PCDH15: variants seen among roughly 807,000 people sequenced by gnomAD.
PCDH15 encodes the protein protocadherin-15.
PCDH15 carries 129 observed loss-of-function variants against 178.5 expected under a neutral mutation model. The ratio of observed to expected loss-of-function variants is 0.72; its 90% CI spans 0.63 to 0.84. PCDH15 has a LOEUF of 0.84. Ranked by LOEUF, PCDH15 falls within the 40% of genes least tolerant of loss-of-function variation. The pLI is 0.00. For synonymous variants in PCDH15, 800 were observed against 732.0 expected, an observed-to-expected ratio of 1.09 and a Z score of -1.50; for missense variants, 2,230 against 2,099.9, an observed-to-expected ratio of 1.06 and a Z score of -1.21.
chr10:55,015,359 C>T (rs536555382), intron 2 of PCDH15, among the ~76,000 whole-genome samples: 45 of 152,022 alleles, frequency 3.0e-4, no homozygotes, highest in Admixed American at 6.6e-4. Flanking sequence ...CCTCACTAAA[C>T]TCATTTACAT....
chr10:53,831,657 C>T (rs1331741967), intron 29 of PCDH15, 124 bp from the exon 30 acceptor site: 2 of 692,346 alleles, frequency 2.9e-6, no homozygotes, highest in Admixed American at 5.5e-5. Flanking sequence ...AGTCAGAAGT[C>T]TCATGAATAA....
chr10:54,983,810 T>G (rs1226841578), intron 2 of PCDH15, among the ~76,000 whole-genome samples: 1 of 152,082 alleles, frequency 6.6e-6, no homozygotes, highest in Admixed American at 6.6e-5. Flanking sequence ...CTACAAATGA[T>G]TAAAAAGTGA....
intron 2 of PCDH15, among the ~76,000 whole-genome samples, chr10:54,971,367 T>G (rs1838925905): frequency 6.6e-6 from 1 of 152,052 alleles, no homozygotes. Flanking sequence ...AACACAGCAT[T>G]TCTCCCTGCA....
chr10:54,973,947 G>C (rs891669711), intron 2 of PCDH15, among the ~76,000 whole-genome samples: 1 of 151,936 alleles, frequency 6.6e-6, no homozygotes, highest in Non-Finnish European at 1.5e-5. Context: ...TATACTACTT[G>C]TGCCTTTATT....
rs76786774 is a variant in PCDH15, at chr10:54,462,109, T to C, written c.157+65703A>G. On this transcript the variant is annotated intron_variant, in intron 3 of 37. Coordinates refer to ENST00000644397, the MANE Select transcript of PCDH15 (RefSeq NM_001384140.1). Reference sequence around the variant, plus strand: ...CTTTTATGTTACTCAGCTTTCAATTTCTCATACCATCTCAAAGAAAATGTA... The same window carrying C: ...CTTTTATGTTACTCAGCTTTCAATTCCTCATACCATCTCAAAGAAAATGTA... Among the ~76,000 whole-genome samples, 787 of 152,198 alleles carry C rather than the reference T, an allele frequency of 5.2e-3. 7 individuals are homozygous for C. The highest frequency in any genetic ancestry group is 0.018 in the African/African-American group (749 of 41,536).
At chr10:54,559,505 A>G (rs961993980) in intron 2 of PCDH15, among the ~76,000 whole-genome samples, 1 of 152,086 alleles carries the variant, frequency 6.6e-6, no homozygotes, top group Non-Finnish European at 1.5e-5. Flanking sequence ...GGCATTGAGT[A>G]TGCATTTGTG....
chr10:54,214,168 T>G (rs2051746426), intron 9 of PCDH15, 120 bp from the exon 10 acceptor site: 4 of 650,044 alleles, frequency 6.2e-6, no homozygotes, highest in South Asian at 6.1e-5. Context: ...TAAATTAAGT[T>G]TCACAATTAT....
chr10:55,077,010 G>A (rs147783326), intron 2 of PCDH15, among the ~76,000 whole-genome samples: 2,164 of 149,866 alleles, frequency 0.014, 55 homozygotes, highest in African/African-American at 0.05. Flanking sequence ...CTCGTGATCC[G>A]CCCGCCTCAG....
intron 3 of PCDH15, among the ~76,000 whole-genome samples, chr10:54,892,932 T>G (rs1426588839): frequency 1.3e-5 from 2 of 152,050 alleles, no homozygotes; most frequent in East Asian, 1.9e-4. Flanking sequence ...AATCACATAT[T>G]AAAAATTTCA....
At chr10:54,926,986 T>A (rs1277819499) in intron 2 of PCDH15, among the ~76,000 whole-genome samples, 1 of 151,958 alleles carries the variant, frequency 6.6e-6, no homozygotes. Flanking sequence ...TAATTTCTTG[T>A]CCTTAGCTTT....
At chr10:53,986,570 C>T (rs916982306) in intron 21 of PCDH15, among the ~76,000 whole-genome samples, 5 of 152,138 alleles carry the variant, frequency 3.3e-5, no homozygotes. Context: ...GATGTGGAAA[C>T]AGACTAAATG....
At chr10:54,571,182 G>T (rs1405281628) in intron 2 of PCDH15, among the ~76,000 whole-genome samples, 1 of 152,034 alleles carries the variant, frequency 6.6e-6, no homozygotes, top group African/African-American at 2.4e-5. Context: ...ATTTGAACGA[G>T]GAGAAACTAC....
intron 3 of PCDH15, among the ~76,000 whole-genome samples, chr10:54,458,140 T>C (rs1280200077): frequency 1.6e-4 from 24 of 152,206 alleles, no homozygotes. Context: ...TTGAAGATTC[T>C]GTTCTACTTT....
chr10:55,094,259 GA>G (rs1294676968), intron 2 of PCDH15, among the ~76,000 whole-genome samples: 1 of 151,996 alleles, frequency 6.6e-6, no homozygotes, highest in African/African-American at 2.4e-5. Context: ...GATGAAGCTG[GA>G]AACCATCATT....
At chr10:55,008,665 G>A (rs1839984503) in intron 2 of PCDH15, among the ~76,000 whole-genome samples, 1 of 152,006 alleles carries the variant, frequency 6.6e-6, no homozygotes, top group Non-Finnish European at 1.5e-5. Context: ...AATACCCCCA[G>A]CAACAAGTAA....
chr10:55,404,802 C>T (rs1399837395), intron 2 of PCDH15, among the ~76,000 whole-genome samples: 1 of 151,690 alleles, frequency 6.6e-6, no homozygotes, highest in Admixed American at 6.6e-5. Flanking sequence ...ATAAAAAATA[C>T]TATCAGACAT....
At chr10:55,286,078 A>G (rs1424847683) in intron 1 of PCDH15, among the ~76,000 whole-genome samples, 1 of 152,002 alleles carries the variant, frequency 6.6e-6, no homozygotes, top group Non-Finnish European at 1.5e-5. Flanking sequence ...TAAGATTCAC[A>G]TGACAATAAG....
chr10:55,501,241 C>T (rs1196071322), intron 2 of PCDH15, among the ~76,000 whole-genome samples: 2 of 151,696 alleles, frequency 1.3e-5, no homozygotes, highest in South Asian at 2.1e-4. Context: ...AGGGATCCAC[C>T]TCAAAGGCTT....
intron 3 of PCDH15, among the ~76,000 whole-genome samples, chr10:54,813,079 T>C (rs1241478383): frequency 6.6e-6 from 1 of 152,206 alleles, no homozygotes; most frequent in African/African-American, 2.4e-5. Flanking sequence ...TAGAGTTTAT[T>C]TTCCTGGATT....
Sources: allele counts gnomAD v4.1 joint callset (sites outside exome capture counted in the v4.1 genomes callset), GRCh38; gene constraint gnomAD v4.1.1; transcripts MANE v1.5; gene names NCBI Gene and HGNC (gene_info 2026-07-23, HGNC 2026-07-21).